Variants in TRIOBP observed in about 807,000 individuals in gnomAD.
TRIOBP encodes the protein TRIO and F-actin-binding protein.
TRIOBP carries 169 observed loss-of-function variants against 238.8 expected under a neutral mutation model. That is an observed-to-expected ratio of 0.71 (90% confidence interval 0.62 to 0.80). TRIOBP has a LOEUF of 0.80. Ranked by LOEUF, TRIOBP falls within the 30% of genes least tolerant of loss-of-function variation. TRIOBP has a pLI of 0.00. For missense variants in TRIOBP, 2,838 were observed against 3,122.6 expected, an observed-to-expected ratio of 0.91 and a Z score of 2.17; for synonymous variants, 1,150 against 1,274.4, an observed-to-expected ratio of 0.90 and a Z score of 2.08.
intron 17 of TRIOBP, 169 bp downstream of exon 17, chr22:37,759,433 CTG>C (rs781203536): frequency 7.2e-7 from 1 of 1,381,382 alleles, no homozygotes; most frequent in Admixed American, 1.7e-5. Flanking sequence ...GGCGTGATCA[CTG>C]TGCCCGTTTT....
At chr22:37,769,415 C>T (rs755816366) in intron 21 of TRIOBP, 40 bp downstream of exon 21, 76 of 1,525,318 alleles carry the variant, frequency 5.0e-5, no homozygotes, top group Middle Eastern at 1.9e-4. Flanking sequence ...CAGTGGTTCT[C>T]GGGGCCCGGG....
At position 37,740,880 on chromosome 22, in the gene TRIOBP, G is replaced by A. The variant is rs1924899747; in HGVS notation, c.5185-15G>A. The A allele has an allele frequency of 1.9e-6, 3 of 1,565,800 alleles. No homozygotes were observed. Among genetic ancestry groups the A allele is most frequent in the Non-Finnish European group, 2.6e-6 (3 of 1,154,794 alleles). ...CCAAAGGGACCTGGGGCCAACACTG[G>A]ACCCTGTTTGACAGGCAGACAAGAG... On this transcript the variant is annotated splice_polypyrimidine_tract_variant and intron_variant, in intron 10 of 23. Coordinates refer to ENST00000644935, the MANE Select transcript of TRIOBP (RefSeq NM_001039141.3).
chr22:37,707,259 A>C (rs1472054413), intron 3 of TRIOBP, among the ~76,000 whole-genome samples: 1 of 151,832 alleles, frequency 6.6e-6, no homozygotes, highest in Non-Finnish European at 1.5e-5. Flanking sequence ...CTGGGCGACA[A>C]GAGCGAAAAA....
intron 18 of TRIOBP, among the ~76,000 whole-genome samples, chr22:37,767,258 ACAGAG>A (rs1926546910): frequency 6.6e-6 from 1 of 151,008 alleles, no homozygotes; most frequent in Non-Finnish European, 1.5e-5. Context: ...CTCCTGGGTG[ACAGAG>A]TGAGACTCCG....
rs192101213 is a variant in TRIOBP, at chr22:37,748,943, G to A, written c.5323-2829G>A. ...AGGGCCCGGAGTCCTGGTGTGTTGTGATCGGCAAGGAATATGCAGTGGTAT... is the reference window on the plus strand; with the variant it reads ...AGGGCCCGGAGTCCTGGTGTGTTGTAATCGGCAAGGAATATGCAGTGGTAT... On this transcript the variant is annotated intron_variant, in intron 11 of 23. Coordinates refer to ENST00000644935, the MANE Select transcript of TRIOBP (RefSeq NM_001039141.3). 2.6e-5 allele frequency among the ~76,000 whole-genome samples: 4 copies of A among 152,268 alleles called. No individual in the cohort carries two copies. The East Asian group carries it at 7.7e-4, about 29-fold the overall frequency.
At chr22:37,752,634 T>C (rs945346707) in intron 12 of TRIOBP, among the ~76,000 whole-genome samples, 7 of 152,154 alleles carry the variant, frequency 4.6e-5, no homozygotes, top group African/African-American at 1.7e-4. Context: ...TTTTATTCCC[T>C]CCAGCCCACA....
intron 6 of TRIOBP, among the ~76,000 whole-genome samples, chr22:37,719,407 G>A (rs1435515718): frequency 6.6e-6 from 1 of 151,920 alleles, no homozygotes; most frequent in African/African-American, 2.4e-5. Flanking sequence ...TGGGCCCAGC[G>A]CTGGCTGTGC....
rs1201598701 is a variant in TRIOBP at position 37,725,289 on chromosome 22, C to T, written c.2733C>T (p.Leu911=). 3.1e-6 allele frequency: 5 copies of T among 1,613,970 alleles called. No homozygotes were observed. Among genetic ancestry groups the T allele is most frequent in the Non-Finnish European group, 3.4e-6 (4 of 1,180,016 alleles). Residue 911 remains leucine (L), a synonymous_variant, in exon 7 of 24, where the codon CTC becomes CTT. Coordinates refer to ENST00000644935, the MANE Select transcript of TRIOBP (RefSeq NM_001039141.3). ...NKDIPWASFP[L]RPTQSDGPRT... ...ACATCCCCTGGGCCTCGTTTCCCCT[C>T]CGGCCAACTCAGAGTGATGGTCCCC...
rs552951353 is a variant in TRIOBP, at chr22:37,749,516, G to A, written c.5323-2256G>A. The stretch of plus-strand genomic sequence containing the variant: ...GAACCTGCCAGTACTCCCGAAAGGC[G>A]GAAGGAGAAACTGAGCTTCTAGCAG... On this transcript the variant is annotated intron_variant, in intron 11 of 23. Coordinates refer to ENST00000644935, the MANE Select transcript of TRIOBP (RefSeq NM_001039141.3). 3.9e-5 allele frequency among the ~76,000 whole-genome samples: 6 copies of A among 152,256 alleles called. No individual in the cohort carries two copies. In the East Asian group the frequency reaches 7.7e-4, roughly 20 times the overall value.
rs949236748 is a variant in TRIOBP at position 37,725,595 on chromosome 22, A to T, written c.3039A>T (p.Pro1013=). 1 of 1,613,468 alleles carries T rather than the reference A, an allele frequency of 6.2e-7. No homozygotes were observed. The highest frequency in any genetic ancestry group is 1.3e-5 in the African/African-American group (1 of 74,726). ...PLTSPEPSQP[P]CAVCIGHRDA... ...CCTCTCCTGAGCCCTCCCAGCCTCC[A>T]TGTGCTGTGTGCATTGGGCACCGGG... The change falls in exon 7 of 24, where the codon CCA becomes CCT. Residue 1013 remains proline (P), a synonymous_variant. Coordinates refer to ENST00000644935, the MANE Select transcript of TRIOBP (RefSeq NM_001039141.3).
intron 17 of TRIOBP, among the ~76,000 whole-genome samples, chr22:37,765,297 C>CA (rs934979064): frequency 2.6e-5 from 4 of 151,720 alleles, no homozygotes; most frequent in African/African-American, 7.3e-5. Context: ...AAAACAAAAA[C>CA]AAAAAAACCA....
chr22:37,736,621 T>G (rs1924683322), intron 9 of TRIOBP, among the ~76,000 whole-genome samples: 1 of 152,170 alleles, frequency 6.6e-6, no homozygotes, highest in South Asian at 2.1e-4. Flanking sequence ...TGTGCTTTTA[T>G]TTTTATTTAT....
chr22:37,758,595 G>T (rs908885303), intron 16 of TRIOBP, among the ~76,000 whole-genome samples: 2 of 152,024 alleles, frequency 1.3e-5, no homozygotes, highest in African/African-American at 2.4e-5. Context: ...AGGATGGCTG[G>T]AGCCCGGGAG....
chr22:37,747,611 G>T (rs1569052856), intron 11 of TRIOBP, among the ~76,000 whole-genome samples: 1 of 152,242 alleles, frequency 6.6e-6, no homozygotes, highest in Non-Finnish European at 1.5e-5. Flanking sequence ...TTTTCTGTCA[G>T]GAGCAGAAGG....
rs1924142724 is a variant in TRIOBP, at chr22:37,726,123, G to A, written c.3567G>A (p.Gln1189=). 6.4e-7 allele frequency: 1 copy of A among 1,553,132 alleles called. No homozygotes were observed. Among genetic ancestry groups the A allele is most frequent in the Non-Finnish European group, 8.7e-7 (1 of 1,144,532 alleles). Residue 1189 remains glutamine (Q), a synonymous_variant, in exon 7 of 24, where the codon CAG becomes CAA. Transcript: ENST00000644935. ...CTCCTGAGCCATCCCTCTTCTTCCA[G>A]GATCCCCCTGGAACTAGTATGGAGA... ...RQAPEPSLFF[Q]DPPGTSMESL... is the part of the protein sequence containing the mutation.
At position 37,726,253 on chromosome 22, in the gene TRIOBP, C is replaced by T; in HGVS notation, c.3697C>T (p.Pro1233Ser). The part of the protein sequence containing the change: ...APRASSPPRH[P>S]PSDLAFLAPS... ...CCGAGCCTCCTCCCCACCCCGCCAC[C>T]CACCCAGTGACCTAGCGTTCCTGGC... The change falls in exon 7 of 24, where the codon CCA (proline) becomes TCA (serine). Residue 1233 changes from proline (P) to serine (S), a missense_variant. Around this residue, in one of 5 missense-constraint regions of TRIOBP, gnomAD observed 2,096 missense variants for 2,137.4 expected, o/e 0.98. Transcript: ENST00000644935. 6.2e-7 allele frequency: 1 copy of T among 1,612,512 alleles called. No homozygotes were observed. Among genetic ancestry groups the T allele is most frequent in the Non-Finnish European group, 8.5e-7 (1 of 1,179,652 alleles).
intron 1 of TRIOBP, among the ~76,000 whole-genome samples, chr22:37,697,291 C>G (rs554992735): frequency 6.6e-6 from 1 of 152,264 alleles, no homozygotes; most frequent in South Asian, 2.1e-4. Flanking sequence ...AGGATTCTGC[C>G]TATTGGTTGT....
At chr22:37,768,989 A>G in intron 19 of TRIOBP, 39 bp from the exon 20 acceptor site, 1 of 1,612,412 alleles carries the variant, frequency 6.2e-7, no homozygotes, top group Non-Finnish European at 8.5e-7. Flanking sequence ...GGCAGGAGCA[A>G]GACAACCTAT....
Position 37,734,885 on chromosome 22 carries a change from G to A in TRIOBP, c.4549G>A (p.Glu1517Lys). 1 of 1,613,190 alleles carries A rather than the reference G, an allele frequency of 6.2e-7. No homozygotes were observed. The highest frequency in any genetic ancestry group is 1.1e-5 in the South Asian group (1 of 91,082). ...GKRSPLTSPP[E>K]NWGGPAESSQ... Reference sequence around the variant, plus strand: ...GAGAAGCCCACTCACGAGCCCCCCTGAGAACTGGGGAGGCCCCGCAGAGTC... The same window carrying A: ...GAGAAGCCCACTCACGAGCCCCCCTAAGAACTGGGGAGGCCCCGCAGAGTC... The change falls in exon 9 of 24, where the codon GAG (glutamate) becomes AAG (lysine). Residue 1517 changes from glutamate to lysine, a missense_variant. Coordinates refer to ENST00000644935, the MANE Select transcript of TRIOBP (RefSeq NM_001039141.3).
Sources: allele counts gnomAD v4.1 joint callset (sites outside exome capture counted in the v4.1 genomes callset), GRCh38; gene constraint gnomAD v4.1.1; regional missense constraint gnomAD v4.1.1; transcripts MANE v1.5; gene names NCBI Gene and HGNC (gene_info 2026-07-23, HGNC 2026-07-21).